Variants in SIL1 observed in about 807,000 individuals in gnomAD.
The protein encoded by SIL1 is nucleotide exchange factor SIL1.
Under a neutral mutation model 49.1 loss-of-function variants are expected in SIL1, and 40 were observed. The ratio of observed to expected loss-of-function variants is 0.81; its 90% CI spans 0.63 to 1.06. The LOEUF (loss-of-function observed/expected upper bound fraction) is 1.06, where lower values mean the gene tolerates loss of function less well. Among genes scored for constraint, SIL1 ranks in the 50% least tolerant of loss-of-function variants. SIL1 has a pLI of 0.00. For missense variants in SIL1, 500 were observed against 572.6 expected, an observed-to-expected ratio of 0.87 and a Z score of 1.29; for synonymous variants, 253 against 250.8, an observed-to-expected ratio of 1.01 and a Z score of -0.08.
intron 3 of SIL1, among the ~76,000 whole-genome samples, chr5:139,092,487 C>T (rs933132146): frequency 2.0e-5 from 3 of 152,122 alleles, no homozygotes; most frequent in African/African-American, 4.8e-5. Flanking sequence ...TTGAGACAGG[C>T]GAAATGGAAG....
rs1172390589 is a variant in SIL1 at position 138,948,592 on chromosome 5, G to A, written c.1030-1119C>T. On this transcript the variant is annotated intron_variant, in intron 9 of 9. Coordinates refer to ENST00000394817, the MANE Select transcript of SIL1 (RefSeq NM_022464.5). The surrounding 1 kb of genome is among the most constrained non-coding windows in gnomAD (Gnocchi z 4.8). ...ACTCCTGTCACTCTAACTCTCCCCT[G>A]GGGCCTCTGGAGGCGCAGCTCCGAC... Among the ~76,000 whole-genome samples the A allele has an allele frequency of 6.6e-6, 1 of 150,990 alleles. No homozygotes were observed. Among genetic ancestry groups the A allele is most frequent in the African/African-American group, 2.4e-5 (1 of 40,898 alleles).
rs1768660259 is a variant in SIL1, at chr5:139,026,746, G to C, written c.645+55C>G. 3 of 1,500,058 alleles carry C rather than the reference G, an allele frequency of 2.0e-6. No individual in the cohort carries two copies. In the South Asian group the frequency reaches 3.4e-5, roughly 17 times the overall value. 92.9% of individuals were successfully genotyped at this position (1,500,058 alleles called of 1,614,324 possible). A position where few individuals can be genotyped will look rare whatever the true frequency, so the allele number is the denominator to read the frequency against. On this transcript the variant is annotated intron_variant, in intron 6 of 9. Transcript: ENST00000394817. ...TATTTTCTTAGGGCTTAGGGAAGGGGGATTTATTTTTGGAGCTGTTAAAAG... is the reference window on the plus strand; with the variant it reads ...TATTTTCTTAGGGCTTAGGGAAGGGCGATTTATTTTTGGAGCTGTTAAAAG...
intron 7 of SIL1, chr5:139,012,277 A>C (rs1189557568): frequency 6.6e-6 from 1 of 151,744 alleles, no homozygotes; most frequent in Non-Finnish European, 1.5e-5. Context: ...CTGGTCTTGA[A>C]CTCCTGGGCT....
intron 1 of SIL1, among the ~76,000 whole-genome samples, chr5:139,160,672 A>G (rs1216903189): frequency 6.6e-6 from 1 of 152,034 alleles, no homozygotes; most frequent in Admixed American, 6.5e-5. Flanking sequence ...CCGTCTCAAA[A>G]TGCAAAAATT....
At chr5:139,105,757 A>C (rs1770692059) in intron 3 of SIL1, among the ~76,000 whole-genome samples, 1 of 152,136 alleles carries the variant, frequency 6.6e-6, no homozygotes, top group Non-Finnish European at 1.5e-5. Flanking sequence ...CCTCCAGTCC[A>C]CCCTTGAGCA....
At chr5:139,169,958 G>A (rs551809995) in intron 1 of SIL1, among the ~76,000 whole-genome samples, 1 of 152,002 alleles carries the variant, frequency 6.6e-6, no homozygotes, top group East Asian at 1.9e-4. Context: ...GCTCACTGCA[G>A]CCTCCCTGCC....
At chr5:138,951,722 A>G in intron 8 of SIL1, 66 bp downstream of exon 8, 1 of 1,448,142 alleles carries the variant, frequency 6.9e-7, no homozygotes, top group Non-Finnish European at 9.7e-7. Context: ...CTGGACAGGA[A>G]CCCTTTCCTT....
chr5:138,947,601 C>T lies in SIL1; in HGVS notation c.1030-128G>A. 1.3e-6 allele frequency: 1 copy of T among 744,394 alleles called. No individual in the cohort carries two copies. Among genetic ancestry groups the T allele is most frequent in the Non-Finnish European group, 2.4e-6 (1 of 417,294 alleles). The allele number at this position is 744,394 out of a possible 1,614,324, so 46.1% of individuals were successfully genotyped here. A position where few individuals can be genotyped will look rare whatever the true frequency, so the allele number is the denominator to read the frequency against. On this transcript the variant is annotated intron_variant, in intron 9 of 9. Coordinates refer to ENST00000394817, the MANE Select transcript of SIL1 (RefSeq NM_022464.5). This position sits in a 1 kb window ranked among gnomAD's most constrained non-coding sequence, Gnocchi z 4.1. ...AGGCACGAGGCTGACCCCTGAGGGC[C>T]CACCTCTTCCTCTATCCCCAAGTCT...
At chr5:139,075,173 G>A (rs1258311716) in intron 3 of SIL1, among the ~76,000 whole-genome samples, 2 of 152,168 alleles carry the variant, frequency 1.3e-5, no homozygotes, top group East Asian at 3.8e-4. Flanking sequence ...CATTATGACT[G>A]AGAAGCAGAA....
At chr5:139,131,081 G>T (rs1750853971) in intron 1 of SIL1, among the ~76,000 whole-genome samples, 1 of 152,146 alleles carries the variant, frequency 6.6e-6, no homozygotes, top group African/African-American at 2.4e-5. Flanking sequence ...ATTAGCAAAT[G>T]ATCTAGGAAA....
At position 138,951,840 on chromosome 5, in the gene SIL1, T is replaced by C. The variant is rs986797535; in HGVS notation, c.812A>G (p.Gln271Arg). The C allele has an allele frequency of 1.2e-6, 2 of 1,614,076 alleles. No homozygotes were observed. Among genetic ancestry groups the C allele is most frequent in the Non-Finnish European group, 1.7e-6 (2 of 1,180,032 alleles). Residue 271 changes from glutamine to arginine, a missense_variant, in exon 8 of 10, where the codon CAG (glutamine) becomes CGG (arginine). Coordinates refer to ENST00000394817, the MANE Select transcript of SIL1 (RefSeq NM_022464.5). ...QVEAIEGGAL[Q>R]KLLVILATEQ... The stretch of plus-strand genomic sequence containing the variant: ...CGTGGCCAGGATGACCAGCAGCTTC[T>C]GCAGGGCTCCCCCTTCGATGGCCTC...
chr5:139,002,042 C>A (rs969481831), intron 7 of SIL1, among the ~76,000 whole-genome samples: 6 of 152,032 alleles, frequency 3.9e-5, no homozygotes, highest in Non-Finnish European at 8.8e-5. Context: ...GAAACCCTGT[C>A]TCTACAAAAA....
intron 1 of SIL1, among the ~76,000 whole-genome samples, chr5:139,140,823 A>G (rs994758377): frequency 1.3e-5 from 2 of 152,184 alleles, no homozygotes; most frequent in East Asian, 3.8e-4. Context: ...TTTATTACCA[A>G]TTTGGGATCA....
At chr5:139,056,040 G>A (rs1769411367) in intron 3 of SIL1, among the ~76,000 whole-genome samples, 2 of 151,826 alleles carry the variant, frequency 1.3e-5, no homozygotes, top group South Asian at 2.1e-4. Context: ...CCTCCCAGCC[G>A]CCTGCCTTGG....
At chr5:139,017,405 A>G (rs1392836637) in intron 7 of SIL1, among the ~76,000 whole-genome samples, 2 of 152,246 alleles carry the variant, frequency 1.3e-5, no homozygotes, top group African/African-American at 4.8e-5. Flanking sequence ...CTAATGGCAC[A>G]TGTACATCCT....
intron 7 of SIL1, among the ~76,000 whole-genome samples, chr5:138,959,108 G>T (rs1766963017): frequency 6.6e-6 from 1 of 152,072 alleles, no homozygotes; most frequent in Non-Finnish European, 1.5e-5. Context: ...GGATGTTCTT[G>T]TACAAGATAT....
intron 3 of SIL1, among the ~76,000 whole-genome samples, chr5:139,113,279 C>A (rs1770912221): frequency 6.6e-6 from 1 of 151,260 alleles, no homozygotes; most frequent in Non-Finnish European, 1.5e-5. Context: ...CGAGAAACAC[C>A]CAAGAATGAT....
At chr5:139,121,381 C>A (rs1561870395) in intron 2 of SIL1, among the ~76,000 whole-genome samples, 1 of 152,266 alleles carries the variant, frequency 6.6e-6, no homozygotes, top group South Asian at 2.1e-4. Flanking sequence ...GCATGTTGTC[C>A]TGTGCGTATG....
intron 7 of SIL1, among the ~76,000 whole-genome samples, chr5:138,998,284 G>T (rs1767915035): frequency 6.6e-6 from 1 of 152,076 alleles, no homozygotes; most frequent in Non-Finnish European, 1.5e-5. Flanking sequence ...AGGCTCCAGT[G>T]ATCCTCCTGA....
Sources: gnomAD v4.1 joint callset for allele counts (sites outside exome capture counted in the v4.1 genomes callset) on GRCh38, gnomAD v4.1.1 for gene constraint, Gnocchi (gnomAD v3.1) non-coding constraint, MANE v1.5 for transcripts, NCBI Gene and HGNC (gene_info 2026-07-23, HGNC 2026-07-21) for gene names.